Variants in C12orf42 observed in about 807,000 individuals in gnomAD.
C12orf42 encodes the protein chromosome 12 open reading frame 42.
A neutral mutation model predicts 21.6 loss-of-function variants in C12orf42; 25 were observed. The ratio of observed to expected loss-of-function variants is 1.16; its 90% CI spans 0.84 to 1.62. C12orf42 has a LOEUF of 1.62. C12orf42 is among the 40% of genes most tolerant of loss of function. The pLI is 0.00. For missense variants in C12orf42, 483 were observed against 459.3 expected, an observed-to-expected ratio of 1.05 and a Z score of -0.47; for synonymous variants, 174 against 175.0, an observed-to-expected ratio of 0.99 and a Z score of 0.05.
At chr12:103,203,913 T>G in the C12orf42 span, among the ~76,000 whole-genome samples, 1 of 152,150 alleles carries the variant, frequency 6.6e-6, no homozygotes, top group Admixed American at 6.5e-5. Context: ...GAGCAGAAAT[T>G]TATTTTTGAT....
chr12:103,213,937 G>C, the C12orf42 span, among the ~76,000 whole-genome samples: 5 of 152,180 alleles, frequency 3.3e-5, no homozygotes. Flanking sequence ...CATGAGCTGA[G>C]AAAAAGTGGA....
intron 4 of C12orf42, among the ~76,000 whole-genome samples, chr12:103,330,758 G>A (rs2137046600): frequency 6.6e-6 from 1 of 152,204 alleles, no homozygotes; most frequent in African/African-American, 2.4e-5. Flanking sequence ...TTCTTACCTG[G>A]ATTCTCTTGT....
chr12:103,294,622 AAG>A (rs377621259), intron 4 of C12orf42, among the ~76,000 whole-genome samples: 2,205 of 139,436 alleles, frequency 0.016, 74 homozygotes, highest in African/African-American at 0.06. Flanking sequence ...GAAAGAAAGA[AAG>A]AAAGAAAGAA....
intron 4 of C12orf42, among the ~76,000 whole-genome samples, chr12:103,367,115 T>TA (rs1469407072): frequency 6.6e-6 from 1 of 151,828 alleles, no homozygotes; most frequent in Non-Finnish European, 1.5e-5. Flanking sequence ...TACTCAGCCA[T>TA]AAAAAGGAAT....
rs767184989 is a variant in C12orf42 at position 103,294,588 on chromosome 12, GAAAGAAA to G, written n.338-17385_338-17379del. On this transcript the variant is annotated intron_variant and non_coding_transcript_variant, in intron 4 of 6. Transcript: ENST00000546526. ...AAAAGAAAGGAAGGAAGGAAGGAAAGAAAGAAAGAAAGAAAGAAAGAAAGAAAGAAAG... is the reference window on the plus strand; with the variant it reads ...AAAAGAAAGGAAGGAAGGAAGGAAAGGAAAGAAAGAAAGAAAGAAAGAAAG... Among the ~76,000 whole-genome samples, 383 of 71,974 alleles carry G rather than the reference GAAAGAAA, an allele frequency of 5.3e-3. 1 individual carries two copies. The highest frequency in any genetic ancestry group is 0.013 in the East Asian group (25 of 1,904). The allele number at this position is 71,974 out of a possible 152,430, so 47.2% of individuals were successfully genotyped here.
the C12orf42 span, among the ~76,000 whole-genome samples, chr12:103,220,341 C>T: frequency 2.0e-5 from 3 of 151,972 alleles, no homozygotes; most frequent in East Asian, 3.9e-4. Context: ...CATGTGTATA[C>T]GTATGTAACA....
intron 3 of C12orf42, among the ~76,000 whole-genome samples, chr12:103,385,849 T>G (rs898159037): frequency 3.3e-5 from 5 of 152,202 alleles, no homozygotes; most frequent in Admixed American, 3.3e-4. Context: ...AAAATCAACC[T>G]TTGGTGATGG....
chr12:103,089,679 C>G, the C12orf42 span, among the ~76,000 whole-genome samples: 1 of 150,606 alleles, frequency 6.6e-6, no homozygotes, highest in Non-Finnish European at 1.5e-5. Flanking sequence ...CATCTTGATT[C>G]ATAGTGAAAT....
At chr12:103,232,710 C>CAA (rs36070550), downstream of C12orf42, among the ~76,000 whole-genome samples, 49,391 of 114,752 alleles carry the variant, frequency 0.43, 10,123 homozygotes, top group Middle Eastern at 0.5. Context: ...GACTCCGTCT[C>CAA]AAAAAAAAAA....
At chr12:103,231,934 G>A in the C12orf42 span, among the ~76,000 whole-genome samples, 2 of 152,168 alleles carry the variant, frequency 1.3e-5, no homozygotes, top group African/African-American at 4.8e-5. Context: ...CACAAGGAAT[G>A]AATGAGAGTT....
At chr12:103,082,653 C>A in the C12orf42 span, among the ~76,000 whole-genome samples, 2 of 152,180 alleles carry the variant, frequency 1.3e-5, no homozygotes, top group Non-Finnish European at 2.9e-5. Flanking sequence ...ACGTAACAAA[C>A]CTGCACGTTG....
At chr12:103,327,419 A>G (rs960309798) in intron 4 of C12orf42, among the ~76,000 whole-genome samples, 5 of 152,230 alleles carry the variant, frequency 3.3e-5, no homozygotes, top group Admixed American at 6.5e-5. Context: ...AAAAAAATCT[A>G]AATAATAGAC....
chr12:103,506,872 TTA>T, the C12orf42 span, among the ~76,000 whole-genome samples: 3 of 57,398 alleles, frequency 5.2e-5, no homozygotes, highest in African/African-American at 2.3e-4. Flanking sequence ...ATATATATAT[TTA>T]TATATTATAT....
At chr12:103,204,704 G>A in the C12orf42 span, among the ~76,000 whole-genome samples, 3 of 151,998 alleles carry the variant, frequency 2.0e-5, no homozygotes. Flanking sequence ...TATATTTCAA[G>A]GTATATGAAT....
the C12orf42 span, among the ~76,000 whole-genome samples, chr12:103,512,509 T>C: frequency 6.6e-6 from 1 of 152,238 alleles, no homozygotes; most frequent in Non-Finnish European, 1.5e-5. Context: ...CTCAATGTGA[T>C]AGATACCCTA....
At chr12:103,286,367 C>T (rs1266761019) in intron 4 of C12orf42, among the ~76,000 whole-genome samples, 1 of 151,540 alleles carries the variant, frequency 6.6e-6, no homozygotes, top group African/African-American at 2.4e-5. Flanking sequence ...GTTACTAGCA[C>T]AATTGTTAGA....
the C12orf42 span, chr12:103,164,337 A>T: frequency 6.7e-6 from 3 of 446,580 alleles, no homozygotes; most frequent in Admixed American, 4.9e-5. Flanking sequence ...ATACTTACAG[A>T]CTCTCCTATC....
the C12orf42 span, among the ~76,000 whole-genome samples, chr12:103,056,922 G>C: frequency 6.6e-6 from 1 of 152,012 alleles, no homozygotes; most frequent in Admixed American, 6.6e-5. Context: ...ATAATTGCTT[G>C]TTGAAGCATT....
chr12:103,506,871 TTTA>T, the C12orf42 span, among the ~76,000 whole-genome samples: 16 of 69,210 alleles, frequency 2.3e-4, no homozygotes, highest in Middle Eastern at 5.5e-3. Context: ...TATATATATA[TTTA>T]TATATTATAT....
Sources: gnomAD v4.1 joint callset for allele counts (sites outside exome capture counted in the v4.1 genomes callset) on GRCh38, gnomAD v4.1.1 for gene constraint, MANE v1.5 for transcripts, NCBI Gene and HGNC (gene_info 2026-07-23, HGNC 2026-07-21) for gene names.